The following OSBPL1A variants were observed in gnomAD, a reference collection of about 807,000 sequenced individuals.
The protein encoded by OSBPL1A is oxysterol-binding protein-related protein 1.
OSBPL1A carries 80 observed loss-of-function variants against 137.1 expected under a neutral mutation model. That is an observed-to-expected ratio of 0.58 (90% CI 0.49 to 0.70). The LOEUF (loss-of-function observed/expected upper bound fraction) is 0.70, where lower values mean the gene tolerates loss of function less well. Among genes scored for constraint, OSBPL1A ranks in the 30% least tolerant of loss-of-function variants. The pLI is 0.00. For missense variants in OSBPL1A, 970 were observed against 1,129.4 expected (o/e 0.86, Z 2.02); for synonymous variants, 365 against 389.7 (o/e 0.94, Z 0.75).
intron 18 of OSBPL1A, among the ~76,000 whole-genome samples, chr18:24,183,143 T>A (rs1241449387): frequency 1.3e-5 from 2 of 152,132 alleles, no homozygotes; most frequent in African/African-American, 4.8e-5. Flanking sequence ...CCCAAAAGGC[T>A]GCGATTACAG....
rs2086264053 is a variant in OSBPL1A, at chr18:24,170,907, C to T, written c.2292-454G>A. On this transcript the variant is annotated intron_variant, in intron 23 of 27. Transcript: ENST00000319481. ...AAGCAATCCTCCCCACTCAGCCTCC[C>T]AAAGTGCTGGGAATACAGGCGTGAG... Among the ~76,000 whole-genome samples, 3 of 151,472 alleles carry T rather than the reference C, an allele frequency of 2.0e-5. No homozygotes were observed. The South Asian group carries it at 6.3e-4, about 32-fold the overall frequency.
rs1408882897 is a variant in OSBPL1A at position 24,368,293 on chromosome 18, CAG to C, written c.199_200del (p.Leu67ValfsTer12). 2 of 1,609,366 alleles carry C rather than the reference CAG, an allele frequency of 1.2e-6. No individual in the cohort carries two copies. The highest frequency in any genetic ancestry group is 1.7e-6 in the Non-Finnish European group (2 of 1,176,084). ...ATTAAAGTCATAAATAGACCTTCAA[CAG>C]ATCCTGGACCACTTGTCTGTGTCCA... ...YFGHRQVVQD[L>X]LKAGAEVNVL... On this transcript the variant is annotated frameshift_variant, in exon 3 of 28. Coordinates refer to ENST00000319481, the MANE Select transcript of OSBPL1A (RefSeq NM_080597.4). LOFTEE classifies it high-confidence loss of function.
At chr18:24,346,850 C>A (rs916934673) in intron 4 of OSBPL1A, among the ~76,000 whole-genome samples, 1 of 151,846 alleles carries the variant, frequency 6.6e-6, no homozygotes, top group African/African-American at 2.4e-5. Flanking sequence ...AGAGATCTTC[C>A]AACCTCAGCC....
At chr18:24,358,084 T>C (rs151009195) in intron 4 of OSBPL1A, 48 of 238,628 alleles carry the variant, frequency 2.0e-4, no homozygotes, top group South Asian at 1.9e-4. Context: ...GCTGTACACA[T>C]TGGGGATGTA....
At chr18:24,189,726 A>G (rs548040876) in intron 18 of OSBPL1A, among the ~76,000 whole-genome samples, 1 of 152,306 alleles carries the variant, frequency 6.6e-6, no homozygotes, top group Admixed American at 6.5e-5. Flanking sequence ...TGCCATCTGA[A>G]TACCACCGAT....
intron 21 of OSBPL1A, among the ~76,000 whole-genome samples, chr18:24,172,903 T>C (rs949224019): frequency 1.9e-4 from 29 of 152,226 alleles, no homozygotes; most frequent in African/African-American, 6.0e-4. Flanking sequence ...TAATCCTATA[T>C]ATCCAGAGGA....
chr18:24,280,729 G>T, intron 15 of OSBPL1A, 113 bp downstream of exon 15: 1 of 575,782 alleles, frequency 1.7e-6, no homozygotes, highest in Non-Finnish European at 2.7e-6. Flanking sequence ...GCTTTCCTTT[G>T]TTAATACTAA....
intron 15 of OSBPL1A, among the ~76,000 whole-genome samples, chr18:24,241,701 T>C (rs1343589748): frequency 1.3e-5 from 2 of 152,178 alleles, no homozygotes. Flanking sequence ...GTTCAACCAT[T>C]GTGGAAGACA....
chr18:24,209,232 A>T (rs191760843), intron 17 of OSBPL1A, among the ~76,000 whole-genome samples: 325 of 152,350 alleles, frequency 2.1e-3, no homozygotes, highest in Middle Eastern at 0.014. Flanking sequence ...ACTACAAATC[A>T]ATAATACAAA....
chr18:24,334,234 G>C lies in OSBPL1A; in HGVS notation c.480+11C>G. On this transcript the variant is annotated intron_variant, in intron 6 of 27. Transcript: ENST00000319481. ...GCTTTTTGTCTTTTGGGGGTTTTTT[G>C]TTTGTTTTACCAGAGCTGTGAGTTC... The C allele has an allele frequency of 6.3e-7, 1 of 1,590,382 alleles. No individual in the cohort carries two copies. Among genetic ancestry groups the C allele is most frequent in the East Asian group, 2.3e-5 (1 of 44,316 alleles).
chr18:24,360,859 C>A (rs946034713), intron 4 of OSBPL1A, among the ~76,000 whole-genome samples: 1 of 152,136 alleles, frequency 6.6e-6, no homozygotes, highest in East Asian at 1.9e-4. Flanking sequence ...GCCTGGATCC[C>A]CCTGTGCTCC....
chr18:24,273,281 G>C (rs1435602658), intron 15 of OSBPL1A, among the ~76,000 whole-genome samples: 1 of 152,148 alleles, frequency 6.6e-6, no homozygotes, highest in African/African-American at 2.4e-5. Flanking sequence ...ACTGTACTTG[G>C]AAAAATCATG....
chr18:24,206,730 G>A (rs765875283), intron 17 of OSBPL1A, among the ~76,000 whole-genome samples: 1 of 152,144 alleles, frequency 6.6e-6, no homozygotes, highest in Non-Finnish European at 1.5e-5. Context: ...AGTCAGCCAC[G>A]ATGTCAGCAA....
In OSBPL1A at chr18:24,179,785, A is replaced by G; in HGVS notation, c.1863T>C (p.Thr621=). ...VSAVASQWER[T]GKPFNPLLGE... is the part of the protein sequence containing the mutation. ...CCAGCAGTGGGTTGAAAGGTTTTCC[A>G]GTCCGTTCCCACTGAGAAGCAACAG... is the stretch of plus-strand genomic sequence containing the variant. Residue 621 remains threonine, a synonymous_variant, in exon 20 of 28, where the codon ACT becomes ACC. Coordinates refer to ENST00000319481, the MANE Select transcript of OSBPL1A (RefSeq NM_080597.4). The G allele has an allele frequency of 6.2e-7, 1 of 1,614,226 alleles. No homozygotes were observed. The highest frequency in any genetic ancestry group is 8.5e-7 in the Non-Finnish European group (1 of 1,180,026).
chr18:24,228,364 T>A (rs1459004505), intron 16 of OSBPL1A, among the ~76,000 whole-genome samples: 1 of 151,110 alleles, frequency 6.6e-6, no homozygotes, highest in Non-Finnish European at 1.5e-5. Context: ...AGTCAGGCTA[T>A]CCCCACCCTT....
At chr18:24,181,942 T>C (rs997224348) in intron 18 of OSBPL1A, among the ~76,000 whole-genome samples, 3 of 152,234 alleles carry the variant, frequency 2.0e-5, no homozygotes, top group Non-Finnish European at 4.4e-5. Flanking sequence ...AAGTCATGAA[T>C]TGCTGTCTGT....
chr18:24,392,155 C>A (rs1014890862), intron 1 of OSBPL1A, among the ~76,000 whole-genome samples: 1 of 152,000 alleles, frequency 6.6e-6, no homozygotes, highest in Non-Finnish European at 1.5e-5. Flanking sequence ...TGCATCCAGC[C>A]AGCATTTGTA....
intron 2 of OSBPL1A, 97 bp from the exon 3 acceptor site, chr18:24,368,469 T>C (rs1905348627): frequency 1.2e-6 from 1 of 842,286 alleles, no homozygotes; most frequent in Non-Finnish European, 2.0e-6. Context: ...ATAATCTCCT[T>C]TGCAATGCAT....
At chr18:24,176,485 T>G (rs1001567731) in intron 21 of OSBPL1A, among the ~76,000 whole-genome samples, 35 of 151,202 alleles carry the variant, frequency 2.3e-4, no homozygotes, top group Middle Eastern at 3.4e-3. Context: ...TTTTTTTTTT[T>G]TGGCTAAAAT....
Sources: allele counts gnomAD v4.1 joint callset (sites outside exome capture counted in the v4.1 genomes callset), GRCh38; gene constraint gnomAD v4.1.1; transcripts MANE v1.5; gene names NCBI Gene and HGNC (gene_info 2026-07-23, HGNC 2026-07-21).